Variants in CEP135 observed in about 807,000 individuals in gnomAD.
CEP135 encodes the protein centrosomal protein 135, also known as centrosomal protein of 135 kDa.
CEP135 carries 142 observed loss-of-function variants against 157.3 expected under a neutral mutation model. That is an observed-to-expected ratio of 0.90 (90% confidence interval 0.79 to 1.04). The LOEUF (loss-of-function observed/expected upper bound fraction) is 1.04. Among genes scored for constraint, CEP135 ranks in the 50% least tolerant of loss-of-function variants. The pLI is 0.00. For synonymous variants in CEP135, 396 were observed against 439.8 expected (o/e 0.90, Z 1.25); for missense variants, 1,317 against 1,309.2 (o/e 1.01, Z -0.09).
At chr4:55,957,149 G>A (rs958080030) in intron 4 of CEP135, 74 bp from the exon 5 acceptor site, 45 of 1,514,946 alleles carry the variant, frequency 3.0e-5, no homozygotes, top group Admixed American at 1.9e-5. Context: ...TAACCGAAAG[G>A]CTAACCTGGA....
At position 55,954,341 on chromosome 4, in the gene CEP135, CAA is replaced by C. The variant is rs781081125; in HGVS notation, c.431_432del (p.Gln144ProfsTer30). On this transcript the variant is annotated frameshift_variant, in exon 4 of 26. Coordinates refer to ENST00000257287, the MANE Select transcript of CEP135 (RefSeq NM_025009.5). LOFTEE classifies it high-confidence loss of function. ...ESKAKNERIQ[Q>X]LQEKNLHAVV... ...CAAAGCTAAGAATGAAAGAATTCAA[CAA>C]CTTCAAGAAAAGAATTTGCATGCTG... The C allele has an allele frequency of 2.5e-6, 4 of 1,607,836 alleles. No individual in the cohort carries two copies. The highest frequency in any genetic ancestry group is 3.4e-6 in the Non-Finnish European group (4 of 1,177,996).
chr4:56,024,527 G>T lies in CEP135; in HGVS notation c.3347G>T (p.Arg1116Leu). 1 of 1,613,588 alleles carries T rather than the reference G, an allele frequency of 6.2e-7. No individual in the cohort carries two copies. Residue 1116 changes from arginine (R) to leucine (L), a missense_variant, in exon 25 of 26, where the codon CGA becomes CTA. Coordinates refer to ENST00000257287, the MANE Select transcript of CEP135 (RefSeq NM_025009.5). ...ERERAIQEMRRHGLATPPLSS... is the reference protein window; with the variant it reads ...ERERAIQEMRLHGLATPPLSS... ...GAACGAGCAATCCAAGAGATGCGTC[G>T]ACATGGTCTTGCTACACCACCCCTT...
chr4:55,988,728 C>T (rs1411311894), intron 14 of CEP135, among the ~76,000 whole-genome samples: 1 of 149,070 alleles, frequency 6.7e-6, no homozygotes, highest in Non-Finnish European at 1.5e-5. Flanking sequence ...GTGGCTGAGG[C>T]AGGCGAATCA....
At chr4:56,021,500 C>T (rs1248369085) in intron 24 of CEP135, among the ~76,000 whole-genome samples, 3 of 152,164 alleles carry the variant, frequency 2.0e-5, no homozygotes, top group Non-Finnish European at 4.4e-5. Context: ...TTGAGACCTG[C>T]TTTAAATCGA....
At chr4:55,953,897 A>G (rs954831362) in intron 3 of CEP135, among the ~76,000 whole-genome samples, 3 of 152,218 alleles carry the variant, frequency 2.0e-5, no homozygotes, top group African/African-American at 7.2e-5. Context: ...AATTATTCTT[A>G]TATTCAGTAG....
chr4:55,998,306 AG>A (rs1730046406), intron 15 of CEP135, among the ~76,000 whole-genome samples: 1 of 152,172 alleles, frequency 6.6e-6, no homozygotes, highest in Non-Finnish European at 1.5e-5. Flanking sequence ...CAGGGCTAAA[AG>A]TGTTCTGAAG....
At chr4:55,969,222 A>G in intron 9 of CEP135, 94 bp downstream of exon 9, 1 of 932,796 alleles carries the variant, frequency 1.1e-6, no homozygotes, top group South Asian at 1.5e-5. Context: ...CAGGAGTTCG[A>G]GACCATCCAG....
At position 55,981,284 on chromosome 4, in the gene CEP135, A is replaced by G. The variant is rs757267371; in HGVS notation, c.1684A>G (p.Asn562Asp). Residue 562 changes from asparagine to aspartate, a missense_variant, in exon 13 of 26, where the codon AAT (asparagine) becomes GAT (aspartate). Physicochemically the swap from Asn to Asp is conservative, Grantham distance 23 (BLOSUM62 1). Coordinates refer to ENST00000257287, the MANE Select transcript of CEP135 (RefSeq NM_025009.5). The part of the protein sequence containing the change: ...KESTQTTAPH[N>D]IVSLMEKEKE... ...ATCCACCCAAACCACAGCACCCCAT[A>G]ATATTGTTAGTCTTATGGAAAAGGA... 2 of 1,598,168 alleles carry G rather than the reference A, an allele frequency of 1.3e-6. No individual in the cohort carries two copies. Among genetic ancestry groups the G allele is most frequent in the Admixed American group, 1.8e-5 (1 of 56,914 alleles).
At chr4:55,991,868 G>A (rs1729809515) in intron 14 of CEP135, 66 bp from the exon 15 acceptor site, 2 of 787,558 alleles carry the variant, frequency 2.5e-6, no homozygotes, top group Middle Eastern at 3.9e-4. Context: ...TTATTAAAGA[G>A]TGCCTAAGAA....
At chr4:55,954,925 A>G (rs1029018674) in intron 4 of CEP135, among the ~76,000 whole-genome samples, 4 of 152,170 alleles carry the variant, frequency 2.6e-5, no homozygotes, top group African/African-American at 9.7e-5. Context: ...TACCAAAAAT[A>G]CAAAAATTAG....
chr4:56,006,228 A>T (rs1287085980), intron 17 of CEP135, among the ~76,000 whole-genome samples: 3 of 151,768 alleles, frequency 2.0e-5, no homozygotes, highest in African/African-American at 7.3e-5. Context: ...TAGGTTTTGT[A>T]TTTTTCTATA....
At chr4:56,004,143 G>A (rs1577901349) in intron 17 of CEP135, among the ~76,000 whole-genome samples, 1 of 152,044 alleles carries the variant, frequency 6.6e-6, no homozygotes, top group African/African-American at 2.4e-5. Context: ...TTTTTTAATT[G>A]CCTTTTTAAT....
rs145993112 is a variant in CEP135, at chr4:56,024,600, G to A, written c.3420G>A (p.Val1140=). 6.2e-7 allele frequency: 1 copy of A among 1,605,486 alleles called. No individual in the cohort carries two copies. The highest frequency in any genetic ancestry group is 8.5e-7 in the Non-Finnish European group (1 of 1,172,438). The change falls in exon 25 of 26, where the codon GTG becomes GTA. Residue 1140 remains valine (V), a synonymous_variant. Transcript: ENST00000257287. ...SPSHSPEHRN[V] ...CACATTCTCCTGAACATAGAAATGT[G>A]TAATTATCAGAAAGGTATGTATGTA... is the stretch of plus-strand genomic sequence containing the variant.
At chr4:56,005,514 G>T (rs576054603) in intron 17 of CEP135, among the ~76,000 whole-genome samples, 1 of 152,226 alleles carries the variant, frequency 6.6e-6, no homozygotes, top group East Asian at 1.9e-4. Flanking sequence ...TTGACTTGTG[G>T]TTGTCTTAAT....
intron 21 of CEP135, among the ~76,000 whole-genome samples, chr4:56,017,104 G>GA (rs995456161): frequency 5.3e-5 from 8 of 150,770 alleles, no homozygotes; most frequent in African/African-American, 1.2e-4. Flanking sequence ...GATTCTTCTA[G>GA]AAAAAAAAAT....
chr4:56,004,730 C>G (rs1730292076), intron 17 of CEP135, among the ~76,000 whole-genome samples: 1 of 152,112 alleles, frequency 6.6e-6, no homozygotes, highest in South Asian at 2.1e-4. Context: ...GCTACTCCTT[C>G]TGTTTTTTGC....
At chr4:55,998,505 C>T (rs1019969675) in intron 15 of CEP135, among the ~76,000 whole-genome samples, 2 of 152,206 alleles carry the variant, frequency 1.3e-5, no homozygotes, top group Admixed American at 1.3e-4. Context: ...TGCCTACTTT[C>T]CCTGCTTTCT....
intron 8 of CEP135, among the ~76,000 whole-genome samples, 155 bp from the exon 9 acceptor site, chr4:55,968,908 A>G (rs1449662356): frequency 6.6e-6 from 1 of 152,196 alleles, no homozygotes; most frequent in African/African-American, 2.4e-5. Context: ...AGAAGCCTCA[A>G]TTTTGCCTCT....
rs1377465557 is a variant in CEP135, at chr4:56,031,547, A to G, written c.*199A>G. 1 of 152,612 alleles carries G rather than the reference A, an allele frequency of 6.6e-6. No individual in the cohort carries two copies. Among genetic ancestry groups the G allele is most frequent in the Non-Finnish European group, 1.5e-5 (1 of 68,028 alleles). The allele number at this position is 152,612 out of a possible 1,614,324, so 9.5% of individuals were successfully genotyped here. On this transcript the variant is annotated 3_prime_UTR_variant, in exon 26 of 26. Transcript: ENST00000257287. ...GAACTATATCTATATGTATATTTTC[A>G]TATATATGACAGAACAAGAATATGT...
Sources: gnomAD v4.1 joint callset for allele counts (sites outside exome capture counted in the v4.1 genomes callset) on GRCh38, gnomAD v4.1.1 for gene constraint, MANE v1.5 for transcripts, NCBI Gene and HGNC (gene_info 2026-07-23, HGNC 2026-07-21) for gene names.